GALNT13: variants seen among roughly 807,000 people sequenced by gnomAD.
The protein encoded by GALNT13 is UDP-GalNAc:polypeptide N-acetylgalactosaminyltransferase 13.
Under a neutral mutation model 64.2 loss-of-function variants are expected in GALNT13, and 28 were observed. The ratio of observed to expected loss-of-function variants is 0.44; its 90% CI spans 0.32 to 0.60. The LOEUF is 0.60. GALNT13 is among the 20% of genes least tolerant of loss of function. GALNT13 has a pLI of 0.05. For missense variants in GALNT13, 577 were observed against 669.8 expected (o/e 0.86, Z 1.53); for synonymous variants, 214 against 224.6 (o/e 0.95, Z 0.42).
intron 3 of GALNT13, among the ~76,000 whole-genome samples, chr2:154,119,994 C>T (rs921914772): frequency 6.6e-6 from 1 of 152,102 alleles, no homozygotes; most frequent in Non-Finnish European, 1.5e-5. Flanking sequence ...TCCCTAATTC[C>T]TCATAATTCT....
the GALNT13 span, among the ~76,000 whole-genome samples, chr2:153,805,990 T>C: frequency 6.6e-6 from 1 of 152,040 alleles, no homozygotes; most frequent in Non-Finnish European, 1.5e-5. Context: ...ATATAGTGTA[T>C]GTATGTGTAT....
At position 154,212,251 on chromosome 2, in the gene GALNT13, AT is replaced by A. The variant is rs112383743; in HGVS notation, c.312-29768del. Among the ~76,000 whole-genome samples, 1,075 of 146,786 alleles carry A rather than the reference AT, an allele frequency of 7.3e-3. 10 individuals carry two copies. Among genetic ancestry groups the A allele is most frequent in the African/African-American group, 0.025 (1,010 of 40,298 alleles). Reference sequence around the variant, plus strand: ...GCGTTTTGAAGAAATTCAATCAGGCATTTTTTTTTTTGAGACGGAGTCTTGC... The same window carrying A: ...GCGTTTTGAAGAAATTCAATCAGGCATTTTTTTTTTGAGACGGAGTCTTGC... On this transcript the variant is annotated intron_variant, in intron 4 of 12. Coordinates refer to ENST00000392825, the MANE Select transcript of GALNT13 (RefSeq NM_052917.4).
Position 154,263,175 on chromosome 2 carries a change from G to A in GALNT13, c.975+4037G>A, listed in dbSNP as rs561066820. Among the ~76,000 whole-genome samples the A allele has an allele frequency of 1.3e-3, 193 of 152,266 alleles. 1 individual carries two copies. Among genetic ancestry groups the A allele is most frequent in the Non-Finnish European group, 2.2e-3 (152 of 68,016 alleles). ...CACAGCCATGAATGGTTACAAGTAT[G>A]GACTGGGATTCAGATAGCCTGCATT... On this transcript the variant is annotated intron_variant, in intron 8 of 12. Coordinates refer to ENST00000392825, the MANE Select transcript of GALNT13 (RefSeq NM_052917.4).
chr2:154,014,649 T>TTTTTTTTTTTTTTC lies in GALNT13; in HGVS notation c.142+70011_142+70012insTTTTTTTTTTTTCT, dbSNP rs1395681522. On this transcript the variant is annotated intron_variant, in intron 3 of 12. Transcript: ENST00000392825. The stretch of plus-strand genomic sequence containing the variant: ...TGATAATTCTCCTTTTTTTTTTTTT[T>TTTTTTTTTTTTTTC]TGAGACGGAGTCTTGTGCTTTCTCC... Among the ~76,000 whole-genome samples the TTTTTTTTTTTTTTC allele has an allele frequency of 2.2e-5, 3 of 139,318 alleles. 1 individual carries two copies. Among genetic ancestry groups the TTTTTTTTTTTTTTC allele is most frequent in the Non-Finnish European group, 4.8e-5 (3 of 62,998 alleles). 91.4% of individuals were successfully genotyped at this position (139,318 alleles called of 152,430 possible).
the GALNT13 span, among the ~76,000 whole-genome samples, chr2:153,577,162 C>T: frequency 2.0e-5 from 3 of 151,842 alleles, no homozygotes; most frequent in African/African-American, 7.3e-5. Flanking sequence ...AGTCTTTTAG[C>T]ATGACATTTT....
At chr2:153,478,408 A>G in the GALNT13 span, 8 of 1,614,110 alleles carry the variant, frequency 5.0e-6, no homozygotes, top group Non-Finnish European at 6.8e-6. Flanking sequence ...CACGCGCATT[A>G]TGTACAGGCT....
the GALNT13 span, among the ~76,000 whole-genome samples, chr2:153,178,840 A>G: frequency 2.3e-5 from 3 of 132,864 alleles, no homozygotes; most frequent in African/African-American, 5.6e-5. Flanking sequence ...GGTTCAAGCA[A>G]TTCTCCTGCC....
chr2:153,638,849 T>A, the GALNT13 span, among the ~76,000 whole-genome samples: 1 of 152,064 alleles, frequency 6.6e-6, no homozygotes, highest in Non-Finnish European at 1.5e-5. Context: ...TCCTAGTGAT[T>A]TAAAGAAAAT....
chr2:153,175,810 G>A, the GALNT13 span, among the ~76,000 whole-genome samples: 1 of 152,138 alleles, frequency 6.6e-6, no homozygotes, highest in Non-Finnish European at 1.5e-5. Context: ...CCTGCCAGGT[G>A]AATTGTATAT....
the GALNT13 span, among the ~76,000 whole-genome samples, chr2:153,826,907 G>C: frequency 6.6e-6 from 1 of 152,070 alleles, no homozygotes; most frequent in African/African-American, 2.4e-5. Context: ...GAAAGTTGCT[G>C]ATGCAGAGGT....
At chr2:154,347,994 T>C (rs1696167710) in intron 9 of GALNT13, among the ~76,000 whole-genome samples, 1 of 152,222 alleles carries the variant, frequency 6.6e-6, no homozygotes. Flanking sequence ...TTCATATTAA[T>C]GATTCTGTAA....
At chr2:153,452,048 C>T in the GALNT13 span, among the ~76,000 whole-genome samples, 11 of 152,216 alleles carry the variant, frequency 7.2e-5, no homozygotes, top group African/African-American at 2.7e-4. Flanking sequence ...ATCGCTTGTA[C>T]AGCTTCTGTA....
At chr2:153,739,872 A>T in the GALNT13 span, among the ~76,000 whole-genome samples, 1 of 151,598 alleles carries the variant, frequency 6.6e-6, no homozygotes, top group Non-Finnish European at 1.5e-5. Flanking sequence ...TTTAGGCTAG[A>T]TTCTATCTTC....
chr2:153,631,837 T>C, the GALNT13 span, among the ~76,000 whole-genome samples: 1 of 152,216 alleles, frequency 6.6e-6, no homozygotes. Flanking sequence ...CAACTTTGTC[T>C]TTTGTTGCCA....
At chr2:153,977,368 G>A (rs955096249) in intron 3 of GALNT13, among the ~76,000 whole-genome samples, 1 of 152,156 alleles carries the variant, frequency 6.6e-6, no homozygotes, top group Non-Finnish European at 1.5e-5. Flanking sequence ...GTTCCTCAAG[G>A]CTGGAGAAAC....
chr2:153,247,370 C>T, the GALNT13 span, among the ~76,000 whole-genome samples: 1 of 152,092 alleles, frequency 6.6e-6, no homozygotes, highest in Admixed American at 6.6e-5. Flanking sequence ...ATTCTAATAT[C>T]TACTACATAA....
chr2:153,130,340 T>A, the GALNT13 span, among the ~76,000 whole-genome samples: 1 of 152,170 alleles, frequency 6.6e-6, no homozygotes, highest in Admixed American at 6.5e-5. Flanking sequence ...TCAAGTTACC[T>A]ATGAGAGAGT....
chr2:153,661,447 C>T, the GALNT13 span, among the ~76,000 whole-genome samples: 1 of 152,126 alleles, frequency 6.6e-6, no homozygotes, highest in African/African-American at 2.4e-5. Flanking sequence ...CATATCACAT[C>T]CCCAAGTTTA....
At chr2:153,689,504 T>C in the GALNT13 span, among the ~76,000 whole-genome samples, 1 of 152,154 alleles carries the variant, frequency 6.6e-6, no homozygotes, top group Non-Finnish European at 1.5e-5. Context: ...TAAGTGTTTG[T>C]CTAATTCAAA....
Sources: gnomAD v4.1 joint callset for allele counts (sites outside exome capture counted in the v4.1 genomes callset) on GRCh38, gnomAD v4.1.1 for gene constraint, MANE v1.5 for transcripts, NCBI Gene and HGNC (gene_info 2026-07-23, HGNC 2026-07-21) for gene names.